The following KIAA1549L variants were observed in gnomAD, a reference collection of about 807,000 sequenced individuals.
KIAA1549L encodes UPF0606 protein KIAA1549L.
A neutral mutation model predicts 160.7 loss-of-function variants in KIAA1549L; 88 were observed. The ratio of observed to expected loss-of-function variants is 0.55; its 90% CI spans 0.46 to 0.65. The LOEUF (loss-of-function observed/expected upper bound fraction) is 0.65, where lower values mean the gene tolerates loss of function less well. Ranked by LOEUF, KIAA1549L falls within the 30% of genes least tolerant of loss-of-function variation. The pLI, the probability that KIAA1549L is intolerant of heterozygous loss-of-function variation, is 0.00. For synonymous variants in KIAA1549L, 950 were observed against 976.7 expected (o/e 0.97, Z 0.51); for missense variants, 2,258 against 2,437.5 (o/e 0.93, Z 1.55).
intron 1 of KIAA1549L, among the ~76,000 whole-genome samples, chr11:33,533,276 A>T (rs1835868174): frequency 6.6e-6 from 1 of 152,178 alleles, no homozygotes; most frequent in African/African-American, 2.4e-5. Context: ...CAGCGCGAAG[A>T]GCCTCAGGAA....
At chr11:33,392,680 T>G (rs1277549054) in intron 1 of KIAA1549L, among the ~76,000 whole-genome samples, 1 of 152,190 alleles carries the variant, frequency 6.6e-6, no homozygotes, top group Non-Finnish European at 1.5e-5. Flanking sequence ...ATTTTGTTTT[T>G]CACCATAGTT....
At chr11:33,610,814 AT>A (rs369113063) in intron 15 of KIAA1549L, among the ~76,000 whole-genome samples, 86 of 152,286 alleles carry the variant, frequency 5.6e-4, no homozygotes, top group African/African-American at 2.1e-3. Flanking sequence ...ACAGAAACAT[AT>A]TTTCTCACAG....
intron 15 of KIAA1549L, among the ~76,000 whole-genome samples, chr11:33,611,436 T>C (rs1013614668): frequency 3.3e-5 from 5 of 152,196 alleles, no homozygotes; most frequent in Admixed American, 1.3e-4. Flanking sequence ...TGGATCAACA[T>C]AATTTATTTT....
intron 12 of KIAA1549L, among the ~76,000 whole-genome samples, chr11:33,597,118 A>C (rs1850221763): frequency 6.6e-6 from 1 of 152,234 alleles, no homozygotes; most frequent in Non-Finnish European, 1.5e-5. Context: ...ACGAGACCAG[A>C]TGAATCTCTC....
intron 1 of KIAA1549L, among the ~76,000 whole-genome samples, chr11:33,470,737 G>A (rs1191772775): frequency 6.6e-6 from 1 of 152,196 alleles, no homozygotes; most frequent in Non-Finnish European, 1.5e-5. Context: ...ATAGGAATGA[G>A]CCACTGTGCT....
chr11:33,582,511 C>T (rs1855676682), intron 10 of KIAA1549L, among the ~76,000 whole-genome samples: 1 of 152,204 alleles, frequency 6.6e-6, no homozygotes, highest in East Asian at 1.9e-4. Context: ...ATTTAAACTA[C>T]AGACCAAACC....
At chr11:33,564,989 A>G (rs16924435) in intron 8 of KIAA1549L, among the ~76,000 whole-genome samples, 5,752 of 152,282 alleles carry the variant, frequency 0.038, 364 homozygotes, top group African/African-American at 0.13. Context: ...CTTCTGGACA[A>G]AGCTTCATTG....
intron 1 of KIAA1549L, among the ~76,000 whole-genome samples, chr11:33,385,739 T>C (rs1289879930): frequency 6.6e-6 from 1 of 152,152 alleles, no homozygotes; most frequent in African/African-American, 2.4e-5. Context: ...ATCTCTATCT[T>C]AACAGTGTTT....
At chr11:33,406,879 A>T (rs1042462233) in intron 1 of KIAA1549L, among the ~76,000 whole-genome samples, 1 of 152,154 alleles carries the variant, frequency 6.6e-6, no homozygotes, top group Non-Finnish European at 1.5e-5. Context: ...CTTAAGACCT[A>T]CTTAGATTGG....
chr11:33,424,164 T>C (rs915690357), intron 1 of KIAA1549L, among the ~76,000 whole-genome samples: 2 of 152,136 alleles, frequency 1.3e-5, no homozygotes, highest in East Asian at 1.9e-4. Context: ...CAAAAGCAGA[T>C]TGATCAAGAG....
intron 1 of KIAA1549L, among the ~76,000 whole-genome samples, chr11:33,464,473 C>T (rs920694182): frequency 1.1e-5 from 1 of 91,338 alleles, no homozygotes; most frequent in East Asian, 4.4e-4. Context: ...GCTGTGTGTG[C>T]ATGTGTGTGT....
intron 1 of KIAA1549L, among the ~76,000 whole-genome samples, chr11:33,541,068 G>A (rs749392379): frequency 3.3e-5 from 5 of 152,146 alleles, no homozygotes; most frequent in African/African-American, 7.2e-5. Context: ...TTGTTTCCTC[G>A]CCTCCTTTTT....
chr11:33,401,423 C>G (rs372360761), intron 1 of KIAA1549L, among the ~76,000 whole-genome samples: 3 of 150,992 alleles, frequency 2.0e-5, no homozygotes, highest in African/African-American at 7.3e-5. Context: ...GTATCATTTC[C>G]AATTTCCATA....
chr11:33,545,263 G>A lies in KIAA1549L; in HGVS notation c.3270G>A (p.Leu1090=), dbSNP rs763723792. The A allele has an allele frequency of 3.1e-6, 5 of 1,613,990 alleles. No individual in the cohort carries two copies. In the East Asian group the frequency reaches 1.1e-4, roughly 36 times the overall value. Residue 1090 remains leucine (L), a synonymous_variant, in exon 3 of 21, where the codon TTG becomes TTA. Coordinates refer to ENST00000658780, the MANE Select transcript of KIAA1549L (RefSeq NM_012194.3). ...ASVKATRLPP[L]RAENTDAVLP... is the part of the protein sequence containing the mutation. ...TGAAGGCCACCCGGTTGCCACCATT[G>A]CGAGCAGAAAACACAGATGCTGTCC...
chr11:33,640,152 T>C (rs561245315), intron 16 of KIAA1549L, among the ~76,000 whole-genome samples: 1 of 152,302 alleles, frequency 6.6e-6, no homozygotes. Flanking sequence ...TATACATATA[T>C]GCCTACATAT....
chr11:33,623,444 C>T (rs1851013144), intron 16 of KIAA1549L, among the ~76,000 whole-genome samples: 1 of 152,194 alleles, frequency 6.6e-6, no homozygotes, highest in South Asian at 2.1e-4. Flanking sequence ...TCCCAGCTAA[C>T]ATGAGCTATA....
intron 1 of KIAA1549L, among the ~76,000 whole-genome samples, chr11:33,379,883 G>A (rs1384450278): frequency 6.6e-6 from 1 of 152,216 alleles, no homozygotes; most frequent in Non-Finnish European, 1.5e-5. Context: ...CTGTGCAGGG[G>A]CAGGGGATAC....
rs755016745 is a variant in KIAA1549L at position 33,668,076 on chromosome 11, G to A, written c.6363G>A (p.Ala2121=). 21 of 1,613,902 alleles carry A rather than the reference G, an allele frequency of 1.3e-5. No homozygotes were observed. The highest frequency in any genetic ancestry group is 4.0e-5 in the African/African-American group (3 of 74,932). ...CTCCCCTGACCAACATCTCCACTGC[G>A]GCCCTTGTGAAGGCCATCCGGGAGG... ...SDAPLTNIST[A]ALVKAIREEV... The change falls in exon 21 of 21, where the codon GCG becomes GCA. Residue 2121 remains alanine (A), a synonymous_variant. Transcript: ENST00000658780.
chr11:33,465,456 T>C (rs1852037718), intron 1 of KIAA1549L, among the ~76,000 whole-genome samples: 1 of 152,180 alleles, frequency 6.6e-6, no homozygotes, highest in South Asian at 2.1e-4. Context: ...TCATCCTGCA[T>C]GCATGACCCA....
Sources: gnomAD v4.1 joint callset for allele counts (sites outside exome capture counted in the v4.1 genomes callset) on GRCh38, gnomAD v4.1.1 for gene constraint, MANE v1.5 for transcripts, NCBI Gene and HGNC (gene_info 2026-07-23, HGNC 2026-07-21) for gene names.